The following IGFBP7 variants were observed in gnomAD, a reference collection of about 807,000 sequenced individuals.
IGFBP7 encodes insulin like growth factor binding protein 7, also known as insulin-like growth factor-binding protein 7.
IGFBP7 carries 31 observed loss-of-function variants against 29.4 expected under a neutral mutation model. The ratio of observed to expected loss-of-function variants is 1.05; its 90% confidence interval spans 0.79 to 1.42. The LOEUF is 1.42. Among genes scored for constraint, IGFBP7 ranks in the 40% most tolerant of loss-of-function variants. The pLI is 0.00. For synonymous variants in IGFBP7, 172 were observed against 174.9 expected (o/e 0.98, Z 0.13); for missense variants, 393 against 395.5 (o/e 0.99, Z 0.05).
intron 2 of IGFBP7, among the ~76,000 whole-genome samples, chr4:57,038,960 A>C (rs1199189695): frequency 6.6e-6 from 1 of 150,400 alleles, no homozygotes; most frequent in Non-Finnish European, 1.5e-5. Context: ...CAACTACTTG[A>C]GAGACTGAGG....
intron 1 of IGFBP7, among the ~76,000 whole-genome samples, chr4:57,101,155 T>G (rs1368375192): frequency 2.0e-5 from 3 of 152,258 alleles, no homozygotes; most frequent in Non-Finnish European, 4.4e-5. Flanking sequence ...TCAATAATCC[T>G]GTGAAGGTAT....
At chr4:57,108,097 C>T (rs549711773) in intron 1 of IGFBP7, among the ~76,000 whole-genome samples, 2 of 152,108 alleles carry the variant, frequency 1.3e-5, no homozygotes, top group South Asian at 2.1e-4. Context: ...ATGATGTGAC[C>T]GACAAATGAG....
intron 1 of IGFBP7, among the ~76,000 whole-genome samples, chr4:57,051,130 CA>C (rs1724493886): frequency 6.6e-6 from 1 of 152,050 alleles, no homozygotes; most frequent in Non-Finnish European, 1.5e-5. Flanking sequence ...CACAAAAGTA[CA>C]AAACGGGAAA....
chr4:57,073,323 G>C (rs1210538135), intron 1 of IGFBP7, among the ~76,000 whole-genome samples: 1 of 152,024 alleles, frequency 6.6e-6, no homozygotes. Context: ...GGTTGGGCAT[G>C]GTGGTGCAGT....
At chr4:57,043,690 A>G (rs1037768969) in intron 1 of IGFBP7, among the ~76,000 whole-genome samples, 30 of 152,216 alleles carry the variant, frequency 2.0e-4, no homozygotes, top group African/African-American at 7.2e-4. Context: ...TCCAAACCAT[A>G]GGTCTGAATA....
intron 1 of IGFBP7, among the ~76,000 whole-genome samples, chr4:57,095,986 G>T (rs910674118): frequency 2.6e-5 from 4 of 152,054 alleles, no homozygotes; most frequent in African/African-American, 9.7e-5. Context: ...CCCAAGGACG[G>T]TTTAGACATT....
chr4:57,055,324 G>C (rs1036856024), intron 1 of IGFBP7, among the ~76,000 whole-genome samples: 4 of 152,180 alleles, frequency 2.6e-5, no homozygotes, highest in Admixed American at 2.6e-4. Flanking sequence ...TGGTCTGGGC[G>C]TGGAGTCTGG....
intron 1 of IGFBP7, among the ~76,000 whole-genome samples, chr4:57,045,539 A>G (rs1297877600): frequency 6.6e-6 from 1 of 152,194 alleles, no homozygotes; most frequent in Non-Finnish European, 1.5e-5. Context: ...CAGACCTCTT[A>G]GAGTACATGG....
At chr4:57,033,426 C>T in intron 2 of IGFBP7, 115 bp from the exon 3 acceptor site, 1 of 778,550 alleles carries the variant, frequency 1.3e-6, no homozygotes, top group Non-Finnish European at 2.4e-6. Context: ...ACAGAGTAAA[C>T]CCAGCATTTC....
At chr4:57,042,040 G>C (rs541347445) in intron 1 of IGFBP7, among the ~76,000 whole-genome samples, 1 of 152,314 alleles carries the variant, frequency 6.6e-6, no homozygotes, top group South Asian at 2.1e-4. Context: ...TGGCAAGTGG[G>C]GGGCACCCTC....
chr4:57,062,641 A>G (rs1304374939), intron 1 of IGFBP7, among the ~76,000 whole-genome samples: 1 of 152,208 alleles, frequency 6.6e-6, no homozygotes, highest in East Asian at 1.9e-4. Context: ...TTGGATTTTA[A>G]TGTTTTCAAT....
intron 1 of IGFBP7, among the ~76,000 whole-genome samples, chr4:57,100,258 T>G (rs865781157): frequency 5.3e-5 from 8 of 151,818 alleles, no homozygotes; most frequent in Non-Finnish European, 1.2e-4. Context: ...ATTTTTATTT[T>G]TAGTAGAGAT....
intron 1 of IGFBP7, among the ~76,000 whole-genome samples, chr4:57,081,948 A>G (rs1714007): frequency 0.62 from 94,801 of 151,932 alleles, 31,668 homozygotes; most frequent in Non-Finnish European, 0.74. Context: ...TTCTGTGTAA[A>G]CAGTTTGCAT....
intron 1 of IGFBP7, among the ~76,000 whole-genome samples, chr4:57,107,914 A>G (rs1247941636): frequency 1.3e-5 from 2 of 152,228 alleles, no homozygotes; most frequent in Admixed American, 1.3e-4. Context: ...AAAAAGGAAT[A>G]TTAAGTATAA....
chr4:57,044,176 A>G (rs986238305), intron 1 of IGFBP7, among the ~76,000 whole-genome samples: 1 of 152,172 alleles, frequency 6.6e-6, no homozygotes, highest in South Asian at 2.1e-4. Context: ...GCCAAAACCT[A>G]CTTACTTTAA....
rs1042676189 is a variant in IGFBP7, at chr4:57,042,594, C to G, written c.476-1661G>C. Among the ~76,000 whole-genome samples, 9 of 152,298 alleles carry G rather than the reference C, an allele frequency of 5.9e-5. No homozygotes were observed. In the East Asian group the frequency reaches 1.2e-3, roughly 20 times the overall value. On this transcript the variant is annotated intron_variant, in intron 1 of 4. Transcript: ENST00000295666. ...AACCCCTGAGCTCAAGCGATCCCCC[C>G]ACCTTGGCCTCCCAAAGTGTTGGGA...
At chr4:57,072,287 T>C (rs1725070463) in intron 1 of IGFBP7, among the ~76,000 whole-genome samples, 1 of 152,198 alleles carries the variant, frequency 6.6e-6, no homozygotes, top group African/African-American at 2.4e-5. Context: ...CTAAGGATAA[T>C]GGCCTCCAGC....
chr4:57,080,967 C>T (rs1163735606), intron 1 of IGFBP7, among the ~76,000 whole-genome samples: 1 of 152,194 alleles, frequency 6.6e-6, no homozygotes, highest in Non-Finnish European at 1.5e-5. Context: ...TGGCCCTGGC[C>T]AATGTTCTCA....
chr4:57,103,025 T>C (rs528948021), intron 1 of IGFBP7, among the ~76,000 whole-genome samples: 2 of 152,232 alleles, frequency 1.3e-5, no homozygotes, highest in East Asian at 3.9e-4. Context: ...GAAGGCACTT[T>C]ATGAGCAGTC....
Sources: allele counts gnomAD v4.1 joint callset (sites outside exome capture counted in the v4.1 genomes callset), GRCh38; gene constraint gnomAD v4.1.1; transcripts MANE v1.5; gene names NCBI Gene and HGNC (gene_info 2026-07-23, HGNC 2026-07-21).